PEBP4: variants seen among roughly 807,000 people sequenced by gnomAD.
PEBP4 encodes the protein phosphatidylethanolamine binding protein 4, also known as phosphatidylethanolamine-binding protein 4.
A neutral mutation model predicts 23.9 loss-of-function variants in PEBP4; 22 were observed. The ratio of observed to expected loss-of-function variants is 0.92; its 90% CI spans 0.66 to 1.31. PEBP4 has a LOEUF of 1.31. Among genes scored for constraint, PEBP4 ranks in the 40% most tolerant of loss-of-function variants. The probability of loss-of-function intolerance (pLI) is 0.00; values close to 1 mark genes in which losing one functional copy is unlikely to be tolerated. For missense variants in PEBP4, 324 were observed against 281.7 expected, an observed-to-expected ratio of 1.15 and a Z score of -1.07; for synonymous variants, 112 against 99.3, an observed-to-expected ratio of 1.13 and a Z score of -0.76.
chr8:22,874,515 A>G (rs1313604041), intron 3 of PEBP4, among the ~76,000 whole-genome samples: 2 of 151,916 alleles, frequency 1.3e-5, no homozygotes, highest in Non-Finnish European at 2.9e-5. Context: ...CCAGCCCCCA[A>G]CCCTCTGTAT....
chr8:22,744,070 A>G (rs1319052760), intron 4 of PEBP4, among the ~76,000 whole-genome samples: 1 of 152,222 alleles, frequency 6.6e-6, no homozygotes, highest in East Asian at 1.9e-4. Context: ...TGTTCCCAGG[A>G]TCAGCTCCCT....
intron 1 of PEBP4, among the ~76,000 whole-genome samples, chr8:22,934,952 G>C (rs1016260499): frequency 2.6e-5 from 4 of 152,152 alleles, no homozygotes; most frequent in Admixed American, 6.5e-5. Flanking sequence ...AACGAAAAGA[G>C]AACAGGGATG....
intron 1 of PEBP4, among the ~76,000 whole-genome samples, chr8:22,937,955 A>G (rs547888755): frequency 2.4e-4 from 36 of 152,218 alleles, no homozygotes; most frequent in Non-Finnish European, 4.0e-4. Context: ...CAAGATCTAA[A>G]TGTAAGAGCT....
chr8:22,910,683 G>T (rs1808919251), intron 3 of PEBP4, among the ~76,000 whole-genome samples: 1 of 152,210 alleles, frequency 6.6e-6, no homozygotes, highest in South Asian at 2.1e-4. Context: ...GGCCTGGGTG[G>T]TAGTCTAGGC....
At chr8:22,768,462 CA>C (rs1379019248) in intron 4 of PEBP4, among the ~76,000 whole-genome samples, 1 of 152,216 alleles carries the variant, frequency 6.6e-6, no homozygotes, top group Non-Finnish European at 1.5e-5. Context: ...CCTCAGTGAA[CA>C]AAGCCAAGCA....
intron 3 of PEBP4, among the ~76,000 whole-genome samples, chr8:22,828,664 C>T (rs1443359994): frequency 2.2e-4 from 34 of 152,198 alleles, no homozygotes; most frequent in Admixed American, 2.2e-3. Flanking sequence ...TAGTTGAATA[C>T]ATCCTCTGTC....
At chr8:22,754,672 C>T (rs1023319227) in intron 4 of PEBP4, 7 of 152,208 alleles carry the variant, frequency 4.6e-5, no homozygotes, top group African/African-American at 1.7e-4. Context: ...CGGTTGGTCT[C>T]CCTCCACATG....
At chr8:22,810,170 G>A (rs891041081) in intron 4 of PEBP4, among the ~76,000 whole-genome samples, 5 of 152,116 alleles carry the variant, frequency 3.3e-5, no homozygotes, top group Non-Finnish European at 5.9e-5. Flanking sequence ...ATTCCTTCTC[G>A]TGTGTCCGTA....
intron 4 of PEBP4, among the ~76,000 whole-genome samples, chr8:22,743,649 C>A (rs951196792): frequency 3.3e-5 from 5 of 151,694 alleles, no homozygotes; most frequent in Non-Finnish European, 7.4e-5. Context: ...TGGCTGACAA[C>A]AACCAGCCTT....
intron 4 of PEBP4, among the ~76,000 whole-genome samples, chr8:22,806,022 G>C (rs970106036): frequency 6.6e-6 from 1 of 152,066 alleles, no homozygotes; most frequent in African/African-American, 2.4e-5. Flanking sequence ...CCACATTGTG[G>C]CTTGACATTC....
chr8:22,718,484 G>A (rs1443152778), intron 6 of PEBP4, among the ~76,000 whole-genome samples: 1 of 152,228 alleles, frequency 6.6e-6, no homozygotes, highest in South Asian at 2.1e-4. Context: ...GCTGGACTGG[G>A]ACTTGCTTCT....
intron 3 of PEBP4, among the ~76,000 whole-genome samples, chr8:22,898,407 A>ACAAAC (rs1563253523): frequency 1.4e-5 from 2 of 138,832 alleles, no homozygotes; most frequent in African/African-American, 5.5e-5. Context: ...AAAAAAAAAA[A>ACAAAC]AAAAAAAAAA....
intron 3 of PEBP4, among the ~76,000 whole-genome samples, chr8:22,890,291 T>C (rs1808467669): frequency 5.3e-5 from 8 of 152,240 alleles, no homozygotes. Flanking sequence ...TCAGTAGGTC[T>C]GGATGGGGCC....
intron 3 of PEBP4, among the ~76,000 whole-genome samples, chr8:22,836,091 C>G (rs146313595): frequency 2.0e-5 from 3 of 152,368 alleles, no homozygotes; most frequent in African/African-American, 7.2e-5. Context: ...GTGAATCCTA[C>G]TCGGCTGCTG....
intron 4 of PEBP4, among the ~76,000 whole-genome samples, chr8:22,813,069 T>A (rs1488585570): frequency 3.9e-5 from 6 of 152,198 alleles, no homozygotes; most frequent in South Asian, 2.1e-4. Flanking sequence ...ATTCTTGCCC[T>A]GTTTATTGGA....
At chr8:22,803,989 C>G (rs1806442464) in intron 4 of PEBP4, among the ~76,000 whole-genome samples, 1 of 152,186 alleles carries the variant, frequency 6.6e-6, no homozygotes, top group African/African-American at 2.4e-5. Flanking sequence ...TCTCTTACAG[C>G]TGTCTTGGGC....
intron 2 of PEBP4, among the ~76,000 whole-genome samples, chr8:22,922,310 G>A (rs1408845175): frequency 6.6e-6 from 1 of 152,146 alleles, no homozygotes; most frequent in Non-Finnish European, 1.5e-5. Flanking sequence ...TATTTGATCT[G>A]CAGATGGCAC....
chr8:22,747,748 C>T (rs1382361195), intron 4 of PEBP4, among the ~76,000 whole-genome samples: 3 of 152,200 alleles, frequency 2.0e-5, no homozygotes, highest in Non-Finnish European at 4.4e-5. Context: ...TGCTCCTGGC[C>T]GGCGTTTGCC....
At chr8:22,836,602 G>T (rs1271972279) in intron 3 of PEBP4, among the ~76,000 whole-genome samples, 1 of 152,214 alleles carries the variant, frequency 6.6e-6, no homozygotes, top group African/African-American at 2.4e-5. Flanking sequence ...GAACGCTCTC[G>T]CCTGGCTCAC....
Sources: gnomAD v4.1 joint callset for allele counts (sites outside exome capture counted in the v4.1 genomes callset) on GRCh38, gnomAD v4.1.1 for gene constraint, MANE v1.5 for transcripts, NCBI Gene and HGNC (gene_info 2026-07-23, HGNC 2026-07-21) for gene names.